DHX38: variants seen among roughly 807,000 people sequenced by gnomAD.
DHX38 encodes the protein DEAH-box helicase 38, also known as pre-mRNA-splicing factor ATP-dependent RNA helicase PRP16.
DHX38 carries 100 observed loss-of-function variants against 153.1 expected under a neutral mutation model. The observed-to-expected ratio is 0.65, with a 90% CI of 0.56 to 0.77. DHX38 has a LOEUF of 0.77. Among genes scored for constraint, DHX38 ranks in the 30% least tolerant of loss-of-function variants. The pLI is 0.00. For synonymous variants in DHX38, 650 were observed against 631.7 expected (o/e 1.03, Z -0.43); for missense variants, 1,440 against 1,654.0 (o/e 0.87, Z 2.24).
At chr16:72,102,296 TC>T (rs1453682770) in intron 11 of DHX38, among the ~76,000 whole-genome samples, 1 of 152,182 alleles carries the variant, frequency 6.6e-6, no homozygotes, top group Non-Finnish European at 1.5e-5. Flanking sequence ...TTAACTTAAT[TC>T]CTCAGGTATT....
intron 10 of DHX38, 77 bp from the exon 11 acceptor site, chr16:72,101,423 G>A (rs2042098950): frequency 7.0e-7 from 1 of 1,422,006 alleles, no homozygotes; most frequent in Non-Finnish European, 9.7e-7. Flanking sequence ...GGTGAAGTCT[G>A]CTCTCCCGTG....
At chr16:72,098,187 C>A (rs2042047624) in intron 4 of DHX38, among the ~76,000 whole-genome samples, 1 of 152,170 alleles carries the variant, frequency 6.6e-6, no homozygotes, top group Non-Finnish European at 1.5e-5. Flanking sequence ...AATCCCAGTA[C>A]TTTGGGAGGC....
intron 25 of DHX38, among the ~76,000 whole-genome samples, chr16:72,109,974 C>T (rs758301172): frequency 6.6e-6 from 1 of 152,142 alleles, no homozygotes; most frequent in African/African-American, 2.4e-5. Flanking sequence ...GTGCCGTTAT[C>T]ACTCATAAAA....
chr16:72,103,872 C>A, intron 13 of DHX38, 74 bp from the exon 14 acceptor site: 1 of 1,601,470 alleles, frequency 6.2e-7, no homozygotes. Context: ...TCTGCTAAGA[C>A]TCGGACCCCA....
chr16:72,111,506 A>T (rs563064232), intron 26 of DHX38, among the ~76,000 whole-genome samples: 1 of 152,300 alleles, frequency 6.6e-6, no homozygotes, highest in Non-Finnish European at 1.5e-5. Context: ...CACCATCCTT[A>T]CTGGTGTCCC....
At chr16:72,106,400 T>C (rs1427111702) in intron 19 of DHX38, among the ~76,000 whole-genome samples, 3 of 151,452 alleles carry the variant, frequency 2.0e-5, no homozygotes, top group Non-Finnish European at 4.4e-5. Flanking sequence ...GGACAGATGA[T>C]GCCATTGGTT....
rs1446813763 is a variant in DHX38 at position 72,108,230 on chromosome 16, C to T, written c.2968C>T (p.Arg990Ter). 3.1e-6 allele frequency: 5 copies of T among 1,613,916 alleles called. No individual in the cohort carries two copies. Among genetic ancestry groups the T allele is most frequent in the Middle Eastern group, 1.6e-4 (1 of 6,062 alleles). Residue 990 changes from arginine (R) to a stop codon, truncating the protein, a stop_gained, in exon 22 of 27, where the codon CGA (arginine) becomes TGA (stop). Coordinates refer to ENST00000268482, the MANE Select transcript of DHX38 (RefSeq NM_014003.4). LOFTEE classifies it high-confidence loss of function. ...VPAIFYRPKG[R>*]EEESDQIREK... is the part of the protein sequence containing the mutation. ...AAGGTTCTTTTTCCCTTCCTAGGGT[C>T]GAGAGGAGGAGAGTGATCAAATCCG...
chr16:72,100,654 G>T, intron 9 of DHX38, 57 bp downstream of exon 9: 1 of 1,590,130 alleles, frequency 6.3e-7, no homozygotes, highest in South Asian at 1.1e-5. Flanking sequence ...ATGTGGGCCA[G>T]GTGCAGTGGC....
chr16:72,103,742 T>C lies in DHX38; in HGVS notation c.1778T>C (p.Val593Ala), dbSNP rs1476447244. The C allele has an allele frequency of 6.2e-7, 1 of 1,613,910 alleles. No individual in the cohort carries two copies. Among genetic ancestry groups the C allele is most frequent in the Non-Finnish European group, 8.5e-7 (1 of 1,179,812 alleles). ...TQPRRVAAMS[V>A]AKRVSEEMGG... is the part of the protein sequence containing the mutation. ...CCCCGGCGTGTAGCTGCCATGTCAG[T>C]GGCCAAGAGAGTCAGTGAAGAGATG... Residue 593 changes from valine to alanine, a missense_variant, in exon 13 of 27, where the codon GTG (valine) becomes GCG (alanine). Coordinates refer to ENST00000268482, the MANE Select transcript of DHX38 (RefSeq NM_014003.4).
intron 7 of DHX38, 44 bp downstream of exon 7, chr16:72,099,324 G>A (rs760331043): frequency 3.4e-5 from 51 of 1,514,026 alleles, no homozygotes; most frequent in East Asian, 1.7e-4. Context: ...GCTGGTGGCC[G>A]TCTGTAGATG....
intron 11 of DHX38, 142 bp downstream of exon 11, chr16:72,101,754 G>T: frequency 1.5e-6 from 1 of 648,276 alleles, no homozygotes; most frequent in Non-Finnish European, 2.7e-6. Context: ...ATTCTCTCTG[G>T]TCCCTTCCTC....
At chr16:72,112,278 C>T (rs2042266551) in intron 26 of DHX38, 135 bp from the exon 27 acceptor site, 10 of 776,680 alleles carry the variant, frequency 1.3e-5, no homozygotes, top group East Asian at 5.0e-5. Context: ...GAGAATGTGC[C>T]GGGGAGGAGA....
chr16:72,098,856 A>T (rs1166878202), intron 5 of DHX38, 64 bp downstream of exon 5: 1 of 1,613,302 alleles, frequency 6.2e-7, no homozygotes, highest in African/African-American at 1.3e-5. Flanking sequence ...CGGCAGGGAG[A>T]GCAGATGGTG....
At chr16:72,105,865 C>T in intron 18 of DHX38, 140 bp from the exon 19 acceptor site, 1 of 765,196 alleles carries the variant, frequency 1.3e-6, no homozygotes, top group Non-Finnish European at 2.2e-6. Context: ...AAGACTTCTT[C>T]AGGTGTTCAT....
In DHX38 at chr16:72,103,771, G is replaced by A. The variant is rs2042133081; in HGVS notation, c.1807G>A (p.Gly603Arg). 1 of 1,611,372 alleles carries A rather than the reference G, an allele frequency of 6.2e-7. No homozygotes were observed. The change falls in exon 13 of 27, where the codon GGA becomes AGA. Residue 603 changes from glycine (G) to arginine (R), a missense_variant. Gly to Arg is a moderately radical substitution (Grantham distance 125, BLOSUM62 -2). Around this residue, in one of 6 missense-constraint regions of DHX38, gnomAD observed 241 missense variants for 229.5 expected, o/e 1.05. Transcript: ENST00000268482. ...VAKRVSEEMG[G>R]NLGEEVGYAI... The stretch of plus-strand genomic sequence containing the variant: ...CAAGAGAGTCAGTGAAGAGATGGGG[G>A]GAAACCTTGGCGAGGAGGTGAGTGG...
chr16:72,096,943 AAAG>A lies in DHX38; in HGVS notation c.451_453del (p.Glu151del). ...GGAACATGGTGTCTATGCCTCGTCCAAAGAAGAAAAGGATTGGAAGAAGGAGAA... is the reference window on the plus strand; with the variant it reads ...GGAACATGGTGTCTATGCCTCGTCCAAAGAAAAGGATTGGAAGAAGGAGAA... On this transcript the variant is annotated inframe_deletion, in exon 3 of 27. Coordinates refer to ENST00000268482, the MANE Select transcript of DHX38 (RefSeq NM_014003.4). 1.2e-6 allele frequency: 2 copies of A among 1,614,090 alleles called. No individual in the cohort carries two copies. Among genetic ancestry groups the A allele is most frequent in the Non-Finnish European group, 1.7e-6 (2 of 1,179,992 alleles).
At chr16:72,110,722 TC>T (rs1436702346) in intron 25 of DHX38, among the ~76,000 whole-genome samples, 1 of 152,218 alleles carries the variant, frequency 6.6e-6, no homozygotes, top group East Asian at 1.9e-4. Flanking sequence ...TGTAAGTACT[TC>T]CTGGACTGAG....
chr16:72,107,264 T>C lies in DHX38; in HGVS notation c.2601-76T>C. On this transcript the variant is annotated intron_variant, in intron 19 of 26. Coordinates refer to ENST00000268482, the MANE Select transcript of DHX38 (RefSeq NM_014003.4). This position sits in a 1 kb window ranked among gnomAD's most constrained non-coding sequence, Gnocchi z 5.3. The stretch of plus-strand genomic sequence containing the variant: ...GGAGAAGAAATGAGAATTTCCTCCC[T>C]CCCTGTGGGATTTCATCTGTACTGG... 2.1e-6 allele frequency: 3 copies of C among 1,441,096 alleles called. No homozygotes were observed. Among genetic ancestry groups the C allele is most frequent in the Non-Finnish European group, 2.8e-6 (3 of 1,071,696 alleles). The allele number at this position is 1,441,096 out of a possible 1,614,324, so 89.3% of individuals were successfully genotyped here. A position where few individuals can be genotyped will look rare whatever the true frequency, so the allele number is the denominator to read the frequency against.
Position 72,098,806 on chromosome 16 carries a change from C to T in DHX38, c.764+14C>T, listed in dbSNP as rs1292869542. ...AGATCGAGACAGGTGATGTTCTGGG[C>T]AGAGCAGCCCAGTTTCGCTGGGTGG... On this transcript the variant is annotated intron_variant, in intron 5 of 26. Coordinates refer to ENST00000268482, the MANE Select transcript of DHX38 (RefSeq NM_014003.4). 1 of 1,613,530 alleles carries T rather than the reference C, an allele frequency of 6.2e-7. No homozygotes were observed. The highest frequency in any genetic ancestry group is 2.2e-5 in the East Asian group (1 of 44,862).
Sources: allele counts gnomAD v4.1 joint callset (sites outside exome capture counted in the v4.1 genomes callset), GRCh38; gene constraint gnomAD v4.1.1; regional missense constraint gnomAD v4.1.1; non-coding constraint Gnocchi (gnomAD v3.1); transcripts MANE v1.5; gene names NCBI Gene and HGNC (gene_info 2026-07-23, HGNC 2026-07-21).